Variants in BICDL1 observed in about 807,000 individuals in gnomAD.
BICDL1 encodes BICD family like cargo adaptor 1.
In BICDL1, 20 loss-of-function variants were observed where a neutral mutation model predicts 76.8. That is an observed-to-expected ratio of 0.26 (90% CI 0.18 to 0.38). The LOEUF is 0.38. Among genes scored for constraint, BICDL1 ranks in the 10% least tolerant of loss-of-function variants. The probability of loss-of-function intolerance (pLI) is 1.00; values close to 1 mark genes in which losing one functional copy is unlikely to be tolerated. For synonymous variants in BICDL1, 383 were observed against 337.1 expected (o/e 1.14, Z -1.49); for missense variants, 700 against 798.6 (o/e 0.88, Z 1.49).
rs1325218877 is a variant in BICDL1, at chr12:120,080,989, A to C, written c.1555A>C (p.Ile519Leu). Residue 519 changes from isoleucine to leucine, a missense_variant, in exon 8 of 10, where the codon ATC becomes CTC. By Grantham distance (5) the Ile-to-Leu change is conservative (BLOSUM62 2). Around this residue, in one of 3 missense-constraint regions of BICDL1, gnomAD observed 455 missense variants for 548.7 expected, o/e 0.83. Transcript: ENST00000548673. ...KEPKEQLQKA[I>L]RDRDEAIAKK... ...GCCAAAGGAGCAGCTTCAGAAGGCC[A>C]TCAGGGACCGCGACGAGGCCATTGC... 33 of 1,613,704 alleles carry C rather than the reference A, an allele frequency of 2.0e-5. No homozygotes were observed. The highest frequency in any genetic ancestry group is 2.7e-5 in the Non-Finnish European group (32 of 1,179,920).
chr12:120,063,801 G>A (rs1168293846), intron 3 of BICDL1, among the ~76,000 whole-genome samples: 2 of 150,960 alleles, frequency 1.3e-5, no homozygotes, highest in African/African-American at 2.5e-5. Context: ...AATTGGCAGG[G>A]CTTTCTGGAC....
intron 2 of BICDL1, among the ~76,000 whole-genome samples, chr12:120,000,119 G>T (rs1424945140): frequency 2.0e-5 from 3 of 152,216 alleles, no homozygotes; most frequent in Non-Finnish European, 4.4e-5. Flanking sequence ...ATGGGGAAGG[G>T]AGGAGAAGAA....
rs148552019 is a variant in BICDL1, at chr12:119,995,109, A to G, written c.430-3412A>G. Among the ~76,000 whole-genome samples the G allele has an allele frequency of 3.6e-3, 550 of 152,266 alleles. 7 individuals are homozygous for G. Among genetic ancestry groups the G allele is most frequent in the African/African-American group, 0.012 (500 of 41,534 alleles). ...TTTTGATGACCTTGACAATTTTGATATTAACTTTCTAAAATACTATATAAC... is the reference window on the plus strand; with the variant it reads ...TTTTGATGACCTTGACAATTTTGATGTTAACTTTCTAAAATACTATATAAC... On this transcript the variant is annotated intron_variant, in intron 1 of 9. Coordinates refer to ENST00000548673, the MANE Select transcript of BICDL1 (RefSeq NM_001367886.1).
chr12:120,056,575 T>C (rs1304097267), intron 2 of BICDL1, among the ~76,000 whole-genome samples: 1 of 152,048 alleles, frequency 6.6e-6, no homozygotes, highest in African/African-American at 2.4e-5. Context: ...AAAAATTAGC[T>C]GGGCGTGGTA....
chr12:120,024,754 C>G (rs2138728321), intron 2 of BICDL1, among the ~76,000 whole-genome samples: 1 of 152,226 alleles, frequency 6.6e-6, no homozygotes, highest in East Asian at 1.9e-4. Context: ...GTGGCACGAT[C>G]TTGGCTCACT....
At chr12:120,024,819 G>T (rs1952256149) in intron 2 of BICDL1, among the ~76,000 whole-genome samples, 1 of 150,842 alleles carries the variant, frequency 6.6e-6, no homozygotes, top group Non-Finnish European at 1.5e-5. Context: ...ACCACACCTG[G>T]CATTTTGTTG....
chr12:120,072,867 G>A (rs1873215754), intron 6 of BICDL1, 138 bp downstream of exon 6: 11 of 771,032 alleles, frequency 1.4e-5, no homozygotes, highest in South Asian at 1.2e-4. Context: ...AGCCCTTATT[G>A]GTTGTTTTGG....
rs551935038 is a variant in BICDL1 at position 120,093,541 on chromosome 12, C to G, written c.*380C>G. On this transcript the variant is annotated 3_prime_UTR_variant, in exon 10 of 10. Coordinates refer to ENST00000548673, the MANE Select transcript of BICDL1 (RefSeq NM_001367886.1). ...CTCCTTGATTTTAGCAAATGGGGAA[C>G]AGAAGGAATGGAGGCCCTTCTCTGC... is the stretch of plus-strand genomic sequence containing the variant. 131 of 229,252 alleles carry G rather than the reference C, an allele frequency of 5.7e-4. 1 individual carries two copies. The South Asian group carries it at 6.3e-3, about 11-fold the overall frequency. The allele number at this position is 229,252 out of a possible 1,614,324, so 14.2% of individuals were successfully genotyped here.
chr12:120,021,341 C>T (rs1952174955), intron 2 of BICDL1, among the ~76,000 whole-genome samples: 1 of 151,386 alleles, frequency 6.6e-6, no homozygotes, highest in African/African-American at 2.4e-5. Flanking sequence ...AATCCCAGCA[C>T]TTTGGGAGGC....
At chr12:120,000,075 G>A (rs77722065) in intron 2 of BICDL1, among the ~76,000 whole-genome samples, 15 of 152,274 alleles carry the variant, frequency 9.9e-5, no homozygotes, top group Non-Finnish European at 1.9e-4. Flanking sequence ...GTGAAAAAAC[G>A]TGTCTCACAA....
rs143777152 is a variant in BICDL1 at position 120,057,818 on chromosome 12, C to CTTTTTTTTTTTTTT, written c.646-3875_646-3862dup. ...TGCAAAAGGAGGCCAGCGATTCCTG[C>CTTTTTTTTTTTTTT]TTTTTTTTTTTTTTTTTTTTTTTTT... On this transcript the variant is annotated intron_variant, in intron 2 of 9. Coordinates refer to ENST00000548673, the MANE Select transcript of BICDL1 (RefSeq NM_001367886.1). Among the ~76,000 whole-genome samples, 13 of 78,324 alleles carry CTTTTTTTTTTTTTT rather than the reference C, an allele frequency of 1.7e-4. 2 individuals carry two copies. Among genetic ancestry groups the CTTTTTTTTTTTTTT allele is most frequent in the African/African-American group, 8.3e-4 (13 of 15,696 alleles). The allele number at this position is 78,324 out of a possible 152,430, so 51.4% of individuals were successfully genotyped here. A position where few individuals can be genotyped will look rare whatever the true frequency, so the allele number is the denominator to read the frequency against.
chr12:120,018,409 G>A (rs921908559), intron 2 of BICDL1, among the ~76,000 whole-genome samples: 1 of 152,218 alleles, frequency 6.6e-6, no homozygotes, highest in Non-Finnish European at 1.5e-5. Context: ...AGAGTTCCAA[G>A]GCACTGGAGG....
intron 2 of BICDL1, among the ~76,000 whole-genome samples, chr12:120,008,451 G>T (rs1951892121): frequency 6.6e-6 from 1 of 152,132 alleles, no homozygotes; most frequent in South Asian, 2.1e-4. Context: ...GAGCCACTGT[G>T]CCCAGCCAAT....
At chr12:120,081,584 G>C (rs1873993444) in intron 8 of BICDL1, among the ~76,000 whole-genome samples, 1 of 151,722 alleles carries the variant, frequency 6.6e-6, no homozygotes, top group South Asian at 2.1e-4. Flanking sequence ...CCTGACCTCA[G>C]GTGATCTGCC....
chr12:120,084,246 C>T (rs1003942197), intron 8 of BICDL1, among the ~76,000 whole-genome samples: 4 of 152,214 alleles, frequency 2.6e-5, no homozygotes, highest in Admixed American at 6.5e-5. Flanking sequence ...TTGTGAACCA[C>T]CCGCCCTGGC....
In BICDL1 at chr12:119,998,631, G is replaced by A; in HGVS notation, c.540G>A (p.Glu180=). 1 of 1,614,160 alleles carries A rather than the reference G, an allele frequency of 6.2e-7. No individual in the cohort carries two copies. Among genetic ancestry groups the A allele is most frequent in the East Asian group, 2.2e-5 (1 of 44,886 alleles). Residue 180 remains glutamate (E), a synonymous_variant, in exon 2 of 10, where the codon GAG becomes GAA. Transcript: ENST00000548673. The part of the protein sequence containing the change: ...LESDVKQLQD[E]LERQQIHLRE... ...GTGATGTGAAGCAGCTACAGGATGA[G>A]TTGGAGAGGCAGCAGATTCATCTGC... is the stretch of plus-strand genomic sequence containing the variant.
At position 119,989,540 on chromosome 12, in the gene BICDL1, C is replaced by T. The variant is rs1594076977; in HGVS notation, c.-329C>T. On this transcript the variant is annotated 5_prime_UTR_variant, in exon 1 of 10. Coordinates refer to ENST00000548673, the MANE Select transcript of BICDL1 (RefSeq NM_001367886.1). ...GGCGTTCCTCCTCGCTTCCTCCCCT[C>T]CCGCTTCGCCGACCCTCAGTCTCTG... Among the ~76,000 whole-genome samples the T allele has an allele frequency of 6.6e-6, 1 of 150,552 alleles. No individual in the cohort carries two copies. The highest frequency in any genetic ancestry group is 1.5e-5 in the Non-Finnish European group (1 of 67,438).
At chr12:120,083,366 C>T (rs1026139243) in intron 8 of BICDL1, among the ~76,000 whole-genome samples, 3 of 152,108 alleles carry the variant, frequency 2.0e-5, no homozygotes, top group Non-Finnish European at 4.4e-5. Flanking sequence ...GAGCAATCCT[C>T]TCACCTCTCA....
chr12:120,020,188 ACACAT>A (rs59874469), intron 2 of BICDL1, among the ~76,000 whole-genome samples: 33,172 of 151,932 alleles, frequency 0.22, 3,860 homozygotes, highest in East Asian at 0.4. Flanking sequence ...GGCGAGCCTG[ACACAT>A]TATCTTGTGC....
Sources: allele counts gnomAD v4.1 joint callset (sites outside exome capture counted in the v4.1 genomes callset), GRCh38; gene constraint gnomAD v4.1.1; regional missense constraint gnomAD v4.1.1; transcripts MANE v1.5; gene names NCBI Gene and HGNC (gene_info 2026-07-23, HGNC 2026-07-21).